The following DENND2C variants were observed in gnomAD, a reference collection of about 807,000 sequenced individuals.
The protein encoded by DENND2C is DENN domain-containing protein 2C.
A neutral mutation model predicts 112.4 loss-of-function variants in DENND2C; 72 were observed. The observed-to-expected ratio is 0.64, with a 90% CI of 0.53 to 0.78. The LOEUF (loss-of-function observed/expected upper bound fraction) is 0.78, where lower values mean the gene tolerates loss of function less well. DENND2C is among the 30% of genes least tolerant of loss of function. The probability of loss-of-function intolerance (pLI) is 0.00; values close to 1 mark genes in which losing one functional copy is unlikely to be tolerated. For missense variants in DENND2C, 992 were observed against 1,113.8 expected, an observed-to-expected ratio of 0.89 and a Z score of 1.56; for synonymous variants, 329 against 381.6, an observed-to-expected ratio of 0.86 and a Z score of 1.61.
At position 114,608,764 on chromosome 1, in the gene DENND2C, A is replaced by C. The variant is rs1655730073; in HGVS notation, c.1479T>G (p.Leu493=). The change falls in exon 10 of 21, where the codon CTT becomes CTG. Residue 493 remains leucine (L), a synonymous_variant. Transcript: ENST00000393274. ...IELQEQQLFE[L]FVVVSLQKKP... is the part of the protein sequence containing the mutation. ...TCTTCTGTAGAGACACCACCACAAA[A>C]AGTTCAAACAGCTGCTGCTCCTGTA... 6.2e-7 allele frequency: 1 copy of C among 1,614,204 alleles called. No homozygotes were observed. The highest frequency in any genetic ancestry group is 8.5e-7 in the Non-Finnish European group (1 of 1,180,046).
At chr1:114,629,223 C>T (rs995314038) in intron 3 of DENND2C, among the ~76,000 whole-genome samples, 3 of 152,168 alleles carry the variant, frequency 2.0e-5, no homozygotes, top group Admixed American at 6.6e-5. Context: ...GAAACAACAG[C>T]GGTCATTCAG....
At chr1:114,640,457 G>C (rs1423452581) in intron 3 of DENND2C, among the ~76,000 whole-genome samples, 1 of 152,182 alleles carries the variant, frequency 6.6e-6, no homozygotes, top group Non-Finnish European at 1.5e-5. Context: ...AATAATCAAT[G>C]AAATAAGATA....
chr1:114,620,360 T>C (rs779211757), intron 7 of DENND2C, among the ~76,000 whole-genome samples: 1 of 152,108 alleles, frequency 6.6e-6, no homozygotes, highest in Non-Finnish European at 1.5e-5. Context: ...AAAAGTTAGA[T>C]CCTATCACCT....
intron 3 of DENND2C, among the ~76,000 whole-genome samples, chr1:114,636,750 G>GT (rs201267999): frequency 0.011 from 1,591 of 148,940 alleles, 30 homozygotes; most frequent in African/African-American, 0.035. Flanking sequence ...AAGTAAAGCT[G>GT]TTTTTTTTTT....
rs1656175704 is a variant in DENND2C, at chr1:114,621,921, T to C, written c.1201A>G (p.Asn401Asp). 1.3e-6 allele frequency: 2 copies of C among 1,550,520 alleles called. No homozygotes were observed. Among genetic ancestry groups the C allele is most frequent in the Middle Eastern group, 1.7e-4 (1 of 6,016 alleles). ...WKLFRAGEVA[N>D]TKRKNLPRLV... ...CTTGGAAGATTTTTCCTTTTCGTGTTTGCAACTTCACCAGCTCGGAAAAGC... is the reference window on the plus strand; with the variant it reads ...CTTGGAAGATTTTTCCTTTTCGTGTCTGCAACTTCACCAGCTCGGAAAAGC... Residue 401 changes from asparagine (N) to aspartate (D), a missense_variant, in exon 7 of 21, where the codon AAC (asparagine) becomes GAC (aspartate). Asn to Asp is a conservative substitution (Grantham distance 23). Around this residue, in one of 3 missense-constraint regions of DENND2C, gnomAD observed 470 missense variants for 472.7 expected, o/e 0.99. Coordinates refer to ENST00000393274, the MANE Select transcript of DENND2C (RefSeq NM_001256404.2).
At chr1:114,664,724 C>T (rs1016836941) in intron 1 of DENND2C, among the ~76,000 whole-genome samples, 7 of 151,472 alleles carry the variant, frequency 4.6e-5, no homozygotes, top group East Asian at 4.0e-4. Context: ...AGTGACCCAC[C>T]GCCTTGGCCT....
chr1:114,638,762 C>CAAAAAA (rs35740017), intron 3 of DENND2C, among the ~76,000 whole-genome samples: 2 of 84,162 alleles, frequency 2.4e-5, no homozygotes, highest in Admixed American at 1.5e-4. Context: ...GACCTTGTCT[C>CAAAAAA]AAAAAAAAAA....
intron 10 of DENND2C, among the ~76,000 whole-genome samples, chr1:114,605,542 A>G (rs1464738820): frequency 6.6e-6 from 1 of 152,248 alleles, no homozygotes; most frequent in Non-Finnish European, 1.5e-5. Context: ...CTGTAATCCC[A>G]GCACTTTGGG....
chr1:114,625,335 A>G lies in DENND2C; in HGVS notation c.650T>C (p.Phe217Ser). The G allele has an allele frequency of 1.2e-6, 2 of 1,614,158 alleles. No homozygotes were observed. Among genetic ancestry groups the G allele is most frequent in the Non-Finnish European group, 8.5e-7 (1 of 1,180,012 alleles). Reference protein sequence around the residue: ...INPLPKPRRTFRYLSESGVTP... With the variant: ...INPLPKPRRTSRYLSESGVTP... ...AACACCAGATTCGGATAAATATCTG[A>G]ATGTCCTACGAGGTTTTGGCAAAGG... The change falls in exon 4 of 21, where the codon TTC (phenylalanine) becomes TCC (serine). Residue 217 changes from phenylalanine (F) to serine (S), a missense_variant. Phe to Ser is a radical substitution (Grantham distance 155). Around this residue, in one of 3 missense-constraint regions of DENND2C, gnomAD observed 470 missense variants for 472.7 expected, o/e 0.99. Coordinates refer to ENST00000393274, the MANE Select transcript of DENND2C (RefSeq NM_001256404.2).
intron 3 of DENND2C, among the ~76,000 whole-genome samples, chr1:114,627,285 A>C (rs1318431095): frequency 6.6e-6 from 1 of 152,300 alleles, no homozygotes; most frequent in South Asian, 2.1e-4. Context: ...CCTGATCTCA[A>C]GTTCTACTGT....
At chr1:114,631,242 G>C (rs897949193) in intron 3 of DENND2C, among the ~76,000 whole-genome samples, 3 of 152,032 alleles carry the variant, frequency 2.0e-5, no homozygotes, top group African/African-American at 7.2e-5. Flanking sequence ...TGAATGTGGT[G>C]GCACATGCCT....
intron 9 of DENND2C, 137 bp from the exon 10 acceptor site, chr1:114,609,010 C>T (rs1655739313): frequency 1.1e-5 from 10 of 940,030 alleles, no homozygotes; most frequent in Non-Finnish European, 1.3e-5. Flanking sequence ...GCATCTGCCA[C>T]ATAGACATAC....
At chr1:114,616,195 G>T (rs1017467181) in intron 8 of DENND2C, among the ~76,000 whole-genome samples, 5 of 152,018 alleles carry the variant, frequency 3.3e-5, no homozygotes, top group Admixed American at 6.6e-5. Flanking sequence ...TTCAAGATCA[G>T]CCTGGCCAAT....
chr1:114,655,356 T>C (rs1196928843), intron 1 of DENND2C, among the ~76,000 whole-genome samples: 2 of 152,216 alleles, frequency 1.3e-5, no homozygotes, highest in African/African-American at 2.4e-5. Flanking sequence ...AATGAGATTA[T>C]TGATAGATGA....
intron 2 of DENND2C, among the ~76,000 whole-genome samples, chr1:114,653,690 A>T (rs141756821): frequency 1.4e-4 from 21 of 152,278 alleles, no homozygotes; most frequent in African/African-American, 5.1e-4. Context: ...GAATGGTGGA[A>T]TAATGGACCT....
Position 114,625,322 on chromosome 1 carries a change from G to C in DENND2C, c.663C>G (p.Ser221=). 6.2e-7 allele frequency: 1 copy of C among 1,614,060 alleles called. No individual in the cohort carries two copies. Among genetic ancestry groups the C allele is most frequent in the Non-Finnish European group, 8.5e-7 (1 of 1,180,000 alleles). The part of the protein sequence containing the change: ...PKPRRTFRYL[S]ESGVTPYKER... ...CTTTATACGGCGTAACACCAGATTC[G>C]GATAAATATCTGAATGTCCTACGAG... is the stretch of plus-strand genomic sequence containing the variant. Residue 221 remains serine, a synonymous_variant, in exon 4 of 21, where the codon TCC becomes TCG. Transcript: ENST00000393274.
In DENND2C at chr1:114,582,958, A is replaced by C. The variant is rs1483186618; in HGVS notation, c.*2642T>G. 6.6e-6 allele frequency: 1 copy of C among 152,250 alleles called. No homozygotes were observed. Among genetic ancestry groups the C allele is most frequent in the Non-Finnish European group, 1.5e-5 (1 of 68,048 alleles). The allele number at this position is 152,250 out of a possible 1,614,324, so 9.4% of individuals were successfully genotyped here. A position where few individuals can be genotyped will look rare whatever the true frequency, so the allele number is the denominator to read the frequency against. The stretch of plus-strand genomic sequence containing the variant: ...GAATTCCTAACACTTTACAGAAAAC[A>C]CAACAGACCTAAGGAAATGAAGCAG... On this transcript the variant is annotated 3_prime_UTR_variant, in exon 21 of 21. Transcript: ENST00000393274.
Position 114,611,096 on chromosome 1 carries a change from C to G in DENND2C, c.1346G>C (p.Ser449Thr). 6.2e-7 allele frequency: 1 copy of G among 1,614,182 alleles called. No homozygotes were observed. Among genetic ancestry groups the G allele is most frequent in the Non-Finnish European group, 8.5e-7 (1 of 1,180,016 alleles). The change falls in exon 9 of 21, where the codon AGT becomes ACT. Residue 449 changes from serine to threonine, a missense_variant. By Grantham distance (58) the Ser-to-Thr change is moderately conservative. This residue lies in a region of DENND2C where 516 missense variants were observed against 623.6 expected (regional missense o/e 0.83). Transcript: ENST00000393274. ...ACTCTTTGGCAGATACTCGGCATCACTTTCGTTCCCACTGGTTTCACCTGA... is the reference window on the plus strand; with the variant it reads ...ACTCTTTGGCAGATACTCGGCATCAGTTTCGTTCCCACTGGTTTCACCTGA... Reference protein sequence around the residue: ...PTKGETSGNESDAEYLPKNRH... With the variant: ...PTKGETSGNETDAEYLPKNRH...
At chr1:114,587,191 C>T (rs1655061555) in intron 20 of DENND2C, 196 bp downstream of exon 20, 1 of 607,072 alleles carries the variant, frequency 1.6e-6, no homozygotes, top group Non-Finnish European at 2.9e-6. Context: ...CATAAGCCAC[C>T]ATGCCCAACC....
Sources: allele counts gnomAD v4.1 joint callset (sites outside exome capture counted in the v4.1 genomes callset), GRCh38; gene constraint gnomAD v4.1.1; regional missense constraint gnomAD v4.1.1; transcripts MANE v1.5; gene names NCBI Gene and HGNC (gene_info 2026-07-23, HGNC 2026-07-21).